The following RAB3C variants were observed in gnomAD, a reference collection of about 807,000 sequenced individuals.
RAB3C encodes RAB3C, member RAS oncogene family.
In RAB3C, 17 loss-of-function variants were observed where a neutral mutation model predicts 26.4. That is an observed-to-expected ratio of 0.64 (90% CI 0.44 to 0.97). RAB3C has a LOEUF of 0.97. Among genes scored for constraint, RAB3C ranks in the 50% least tolerant of loss-of-function variants. The pLI is 0.00. For missense variants in RAB3C, 242 were observed against 281.9 expected (o/e 0.86, Z 1.01); for synonymous variants, 91 against 95.9 (o/e 0.95, Z 0.30).
chr5:58,666,488 T>A (rs956176558), intron 2 of RAB3C, among the ~76,000 whole-genome samples: 2 of 152,086 alleles, frequency 1.3e-5, no homozygotes, highest in African/African-American at 4.8e-5. Flanking sequence ...TCACTTGGAG[T>A]ATTTGTTAAA....
intron 2 of RAB3C, among the ~76,000 whole-genome samples, chr5:58,724,152 G>A (rs1740831142): frequency 6.6e-6 from 1 of 151,428 alleles, no homozygotes; most frequent in African/African-American, 2.4e-5. Flanking sequence ...TCTTGTATTA[G>A]CCTTGCTGTC....
chr5:58,755,401 G>A (rs1741633020), intron 3 of RAB3C, among the ~76,000 whole-genome samples: 1 of 152,196 alleles, frequency 6.6e-6, no homozygotes, highest in Admixed American at 6.5e-5. Flanking sequence ...TGTGTAATGT[G>A]TATTGTGAAA....
chr5:58,702,815 A>G (rs1748874935), intron 2 of RAB3C, among the ~76,000 whole-genome samples: 3 of 152,232 alleles, frequency 2.0e-5, no homozygotes, highest in Non-Finnish European at 4.4e-5. Flanking sequence ...CTCCAGAGAG[A>G]ACTAATAATA....
chr5:58,601,021 G>T (rs1285869096), intron 1 of RAB3C, among the ~76,000 whole-genome samples: 1 of 152,044 alleles, frequency 6.6e-6, no homozygotes, highest in African/African-American at 2.4e-5. Flanking sequence ...GATGTCCCTT[G>T]TATGCCAATT....
Position 58,837,629 on chromosome 5 carries a change from G to C in RAB3C, c.496+12467G>C, listed in dbSNP as rs143532991. Among the ~76,000 whole-genome samples the C allele has an allele frequency of 1.5e-4, 23 of 148,666 alleles. 1 individual carries two copies. In the East Asian group the frequency reaches 4.5e-3, roughly 29 times the overall value. On this transcript the variant is annotated intron_variant, in intron 4 of 4. Transcript: ENST00000282878. ...GCTGGAGTGCAGTGGCACAATGTAG[G>C]ATCACTGCAACCTCCACCTCCAAGG...
At chr5:58,707,346 A>G (rs1164595277) in intron 2 of RAB3C, among the ~76,000 whole-genome samples, 1 of 152,218 alleles carries the variant, frequency 6.6e-6, no homozygotes, top group Non-Finnish European at 1.5e-5. Context: ...AAAACATTGC[A>G]CATGAAAAAG....
chr5:58,802,488 G>A (rs982369694), intron 3 of RAB3C, among the ~76,000 whole-genome samples: 5 of 152,128 alleles, frequency 3.3e-5, no homozygotes, highest in Non-Finnish European at 5.9e-5. Context: ...TAACGGCCAC[G>A]GCTGCTGACA....
intron 3 of RAB3C, among the ~76,000 whole-genome samples, chr5:58,787,231 C>T (rs1026184374): frequency 3.9e-5 from 6 of 152,238 alleles, no homozygotes; most frequent in African/African-American, 1.4e-4. Flanking sequence ...CTTTCTGAAC[C>T]TGACCACGGA....
intron 3 of RAB3C, among the ~76,000 whole-genome samples, chr5:58,812,098 C>T (rs1166441245): frequency 2.6e-5 from 4 of 152,172 alleles, no homozygotes; most frequent in Non-Finnish European, 4.4e-5. Flanking sequence ...CACCTTTCAT[C>T]TTTCTTTTGT....
At chr5:58,739,387 G>T (rs1410827138) in intron 3 of RAB3C, among the ~76,000 whole-genome samples, 5 of 152,094 alleles carry the variant, frequency 3.3e-5, no homozygotes, top group African/African-American at 1.2e-4. Context: ...CTAAGTGTGG[G>T]ATTCCTTTCT....
intron 3 of RAB3C, among the ~76,000 whole-genome samples, chr5:58,805,270 T>G (rs1184057296): frequency 1.3e-5 from 2 of 152,074 alleles, no homozygotes; most frequent in Non-Finnish European, 2.9e-5. Flanking sequence ...TCTTTAGAAT[T>G]AAGAGCCAAA....
intron 2 of RAB3C, among the ~76,000 whole-genome samples, chr5:58,656,972 G>T (rs191848755): frequency 6.6e-6 from 1 of 152,188 alleles, no homozygotes; most frequent in South Asian, 2.1e-4. Context: ...TTGCAAAATC[G>T]TGGAACCAAC....
chr5:58,835,214 C>G (rs10514872), intron 4 of RAB3C, among the ~76,000 whole-genome samples: 25,195 of 152,100 alleles, frequency 0.17, 2,302 homozygotes, highest in Non-Finnish European at 0.21. Flanking sequence ...AATAAACTCT[C>G]AAGACTCTGG....
At chr5:58,813,912 C>G (rs375812265) in intron 3 of RAB3C, among the ~76,000 whole-genome samples, 34 of 152,166 alleles carry the variant, frequency 2.2e-4, no homozygotes, top group Middle Eastern at 3.4e-3. Flanking sequence ...TTTGCAAGAA[C>G]TTGTATTATT....
chr5:58,688,813 C>G (rs1341197910), intron 2 of RAB3C, among the ~76,000 whole-genome samples: 1 of 152,126 alleles, frequency 6.6e-6, no homozygotes, highest in Non-Finnish European at 1.5e-5. Context: ...CTTAGAAAAT[C>G]AGTAGAAATG....
chr5:58,765,210 A>G lies in RAB3C; in HGVS notation c.371+39090A>G, dbSNP rs370289216. Among the ~76,000 whole-genome samples the G allele has an allele frequency of 4.6e-5, 7 of 152,262 alleles. No individual in the cohort carries two copies. The South Asian group carries it at 8.3e-4, about 18-fold the overall frequency. ...TTCTAGCCAGCACCTCCTGCTCCCA[A>G]GGTGAGGACAGGCCCAGAGTCCCAT... On this transcript the variant is annotated intron_variant, in intron 3 of 4. Coordinates refer to ENST00000282878, the MANE Select transcript of RAB3C (RefSeq NM_138453.4).
chr5:58,608,885 G>A (rs1351351734), intron 1 of RAB3C, among the ~76,000 whole-genome samples: 2 of 152,164 alleles, frequency 1.3e-5, no homozygotes, highest in African/African-American at 4.8e-5. Context: ...CATATCCTTT[G>A]TAGGGACATG....
chr5:58,840,198 C>T (rs1333219314), intron 4 of RAB3C, among the ~76,000 whole-genome samples: 1 of 151,134 alleles, frequency 6.6e-6, no homozygotes, highest in Non-Finnish European at 1.5e-5. Flanking sequence ...TATATTATTT[C>T]AAAAGCCCTG....
chr5:58,791,639 C>T (rs1742524238), intron 3 of RAB3C, among the ~76,000 whole-genome samples: 1 of 152,282 alleles, frequency 6.6e-6, no homozygotes, highest in Non-Finnish European at 1.5e-5. Flanking sequence ...GCTACTTAAT[C>T]TATTTGGTGC....
Sources: allele counts gnomAD v4.1 joint callset (sites outside exome capture counted in the v4.1 genomes callset), GRCh38; gene constraint gnomAD v4.1.1; transcripts MANE v1.5; gene names NCBI Gene and HGNC (gene_info 2026-07-23, HGNC 2026-07-21).